The following IRAG1 variants were observed in gnomAD, a reference collection of about 807,000 sequenced individuals.
IRAG1 encodes the protein IP3R-associated cGMP kinase substrate.
A neutral mutation model predicts 106.2 loss-of-function variants in IRAG1; 62 were observed. That is an observed-to-expected ratio of 0.58 (90% CI 0.48 to 0.72). IRAG1 has a LOEUF of 0.72. Ranked by LOEUF, IRAG1 falls within the 30% of genes least tolerant of loss-of-function variation. IRAG1 has a pLI of 0.00. For synonymous variants in IRAG1, 462 were observed against 443.9 expected (o/e 1.04, Z -0.51); for missense variants, 1,064 against 1,140.7 (o/e 0.93, Z 0.97).
At chr11:10,633,874 GA>G in intron 3 of IRAG1, 93 bp downstream of exon 3, 1 of 689,942 alleles carries the variant, frequency 1.4e-6, no homozygotes, top group Non-Finnish European at 2.2e-6. Flanking sequence ...AATGATACAA[GA>G]AAAAAGAAAA....
At chr11:10,600,599 A>G (rs932214842) in intron 15 of IRAG1, among the ~76,000 whole-genome samples, 2 of 152,250 alleles carry the variant, frequency 1.3e-5, no homozygotes, top group Non-Finnish European at 2.9e-5. Flanking sequence ...ACGGACTGAC[A>G]GGGTCTAGGG....
chr11:10,661,247 A>T (rs1264764530), intron 1 of IRAG1, among the ~76,000 whole-genome samples: 2 of 151,892 alleles, frequency 1.3e-5, no homozygotes, highest in Admixed American at 1.3e-4. Flanking sequence ...CCTCCTCCTT[A>T]TACTTGGGCT....
At chr11:10,641,612 G>T (rs190735293) in intron 2 of IRAG1, among the ~76,000 whole-genome samples, 99 of 152,272 alleles carry the variant, frequency 6.5e-4, no homozygotes, top group African/African-American at 2.3e-3. Context: ...GGTGGGCCCT[G>T]TCCCAGACCC....
intron 1 of IRAG1, among the ~76,000 whole-genome samples, chr11:10,666,967 C>T (rs10840464): frequency 0.23 from 35,428 of 151,906 alleles, 5,283 homozygotes; most frequent in East Asian, 0.81. Flanking sequence ...AACATTTTCC[C>T]AGGGTAGCCC....
rs1398088807 is a variant in IRAG1, at chr11:10,665,668, C to A, written c.68-13486G>T. ...CAGCCCTGTGCTTGGAACCCCAGCACCAGAGTTTAGGGTGGAGACTCCCAT... is the reference window on the plus strand; with the variant it reads ...CAGCCCTGTGCTTGGAACCCCAGCAACAGAGTTTAGGGTGGAGACTCCCAT... On this transcript the variant is annotated intron_variant, in intron 1 of 20. Transcript: ENST00000423302. The surrounding 1 kb of genome is among the most constrained non-coding windows in gnomAD (Gnocchi z 4.2). Among the ~76,000 whole-genome samples, 1 of 152,116 alleles carries A rather than the reference C, an allele frequency of 6.6e-6. No homozygotes were observed. Among genetic ancestry groups the A allele is most frequent in the East Asian group, 1.9e-4 (1 of 5,178 alleles).
chr11:10,599,142 T>A (rs1470692593), intron 15 of IRAG1, among the ~76,000 whole-genome samples: 1 of 152,228 alleles, frequency 6.6e-6, no homozygotes, highest in African/African-American at 2.4e-5. Flanking sequence ...AGAGTGAATG[T>A]GGGACTCTGT....
rs770546310 is a variant in IRAG1 at position 10,628,793 on chromosome 11, TAGG to T, written c.607_609del (p.Pro203del). ...GTAAGTGAGTTGCTCCGAGAGGATG[TAGG>T]AGAAGCGCTGGGGCTGAGGTTCGGG... On this transcript the variant is annotated inframe_deletion, in exon 6 of 21. Coordinates refer to ENST00000423302, the MANE Select transcript of IRAG1 (RefSeq NM_130385.4). The surrounding 1 kb of genome is among the most constrained non-coding windows in gnomAD (Gnocchi z 4.1). 1 of 1,569,832 alleles carries T rather than the reference TAGG, an allele frequency of 6.4e-7. No individual in the cohort carries two copies. Among genetic ancestry groups the T allele is most frequent in the Non-Finnish European group, 8.6e-7 (1 of 1,161,562 alleles).
rs201324627 is a variant in IRAG1, at chr11:10,603,665, TCTG to T, written c.1744-417_1744-415del. ...AATGTCTGTGCCCCCCACAAAGTCA[TCTG>T]CTGACTTTTGGGGGGACATATCCTA... On this transcript the variant is annotated intron_variant, in intron 13 of 20. Transcript: ENST00000423302. 9.2e-3 allele frequency among the ~76,000 whole-genome samples: 1,394 copies of T among 152,206 alleles called. 19 individuals are homozygous for T. The highest frequency in any genetic ancestry group is 0.032 in the African/African-American group (1,318 of 41,526).
intron 15 of IRAG1, 56 bp from the exon 16 acceptor site, chr11:10,594,251 G>T: frequency 6.6e-7 from 1 of 1,521,344 alleles, no homozygotes; most frequent in Non-Finnish European, 9.0e-7. Context: ...CTAGGCACCA[G>T]CAGGAAACAG....
intron 1 of IRAG1, among the ~76,000 whole-genome samples, chr11:10,669,726 GT>G (rs1860068409): frequency 1.3e-5 from 2 of 152,148 alleles, no homozygotes; most frequent in Admixed American, 1.3e-4. Context: ...TCAGAAAGTA[GT>G]TCCCCCCCTT....
intron 2 of IRAG1, among the ~76,000 whole-genome samples, chr11:10,650,246 A>T (rs1436661655): frequency 6.6e-6 from 1 of 152,200 alleles, no homozygotes. Context: ...TCTAAGTGAC[A>T]GGTGTCTATG....
At chr11:10,590,760 G>A (rs546577311) in intron 18 of IRAG1, among the ~76,000 whole-genome samples, 1 of 152,286 alleles carries the variant, frequency 6.6e-6, no homozygotes, top group South Asian at 2.1e-4. Flanking sequence ...AAATTGCATA[G>A]ATGCCTAGAA....
chr11:10,668,932 C>G (rs1860001866), intron 1 of IRAG1, among the ~76,000 whole-genome samples: 1 of 152,202 alleles, frequency 6.6e-6, no homozygotes, highest in South Asian at 2.1e-4. Flanking sequence ...GCTTCAGCAT[C>G]CCACAGTCTC....
chr11:10,615,796 T>C (rs955441910), intron 10 of IRAG1, among the ~76,000 whole-genome samples: 1 of 151,294 alleles, frequency 6.6e-6, no homozygotes, highest in South Asian at 2.1e-4. Context: ...GTCCGGGGGA[T>C]GGGGGAGGGA....
At chr11:10,629,943 A>G (rs1414196912) in intron 4 of IRAG1, 1 of 473,718 alleles carries the variant, frequency 2.1e-6, no homozygotes, top group Non-Finnish European at 3.7e-6. Context: ...TCCTGGAGCC[A>G]TCTCAGGTTC....
intron 11 of IRAG1, among the ~76,000 whole-genome samples, chr11:10,607,748 A>G (rs12796887): frequency 0.014 from 2,067 of 152,238 alleles, 26 homozygotes; most frequent in Non-Finnish European, 0.021. Flanking sequence ...GGGGTCAGCC[A>G]TCTCTGCAGG....
chr11:10,587,722 A>C (rs77334924), intron 18 of IRAG1, among the ~76,000 whole-genome samples: 172 of 152,270 alleles, frequency 1.1e-3, no homozygotes, highest in African/African-American at 3.8e-3. Context: ...GGTTCCACAC[A>C]CACCCTGTCT....
chr11:10,678,003 CTCTA>C (rs768807499), intron 1 of IRAG1, among the ~76,000 whole-genome samples: 23 of 139,234 alleles, frequency 1.7e-4, no homozygotes, highest in Admixed American at 4.4e-4. Context: ...TTATCTATCT[CTCTA>C]TCTGTCTATC....
intron 15 of IRAG1, among the ~76,000 whole-genome samples, chr11:10,600,437 AC>A (rs1384719494): frequency 3.3e-5 from 5 of 152,222 alleles, no homozygotes; most frequent in Non-Finnish European, 5.9e-5. Context: ...CAGTAATGTA[AC>A]TGCCACACCA....
Sources: allele counts gnomAD v4.1 joint callset (sites outside exome capture counted in the v4.1 genomes callset), GRCh38; gene constraint gnomAD v4.1.1; non-coding constraint Gnocchi (gnomAD v3.1); transcripts MANE v1.5; gene names NCBI Gene and HGNC (gene_info 2026-07-23, HGNC 2026-07-21).